Variants in ERC2 observed in about 807,000 individuals in gnomAD.
The protein encoded by ERC2 is ELKS/RAB6-interacting/CAST family member 2.
Under a neutral mutation model 114.8 loss-of-function variants are expected in ERC2, and 42 were observed. The ratio of observed to expected loss-of-function variants is 0.37; its 90% CI spans 0.29 to 0.47. ERC2 has a LOEUF of 0.47. Among genes scored for constraint, ERC2 ranks in the 20% least tolerant of loss-of-function variants. The pLI is 0.99. For missense variants in ERC2, 939 were observed against 1,150.7 expected, an observed-to-expected ratio of 0.82 and a Z score of 2.66; for synonymous variants, 454 against 425.5, an observed-to-expected ratio of 1.07 and a Z score of -0.82.
intron 17 of ERC2, among the ~76,000 whole-genome samples, chr3:55,642,828 A>C (rs2060244258): frequency 6.6e-6 from 1 of 152,246 alleles, no homozygotes; most frequent in Non-Finnish European, 1.5e-5. Flanking sequence ...AAGACTAAGC[A>C]GTTCAGAAAT....
chr3:56,125,138 G>C (rs1349027677), intron 6 of ERC2, among the ~76,000 whole-genome samples: 1 of 152,040 alleles, frequency 6.6e-6, no homozygotes, highest in African/African-American at 2.4e-5. Context: ...CTTCAGCCTG[G>C]AGAAAGAATA....
chr3:55,716,343 TC>T (rs2064121118), intron 15 of ERC2, among the ~76,000 whole-genome samples: 1 of 152,146 alleles, frequency 6.6e-6, no homozygotes, highest in African/African-American at 2.4e-5. Context: ...AAATAACTTC[TC>T]CCTACAAAAC....
At chr3:55,835,551 A>G (rs2060835834) in intron 14 of ERC2, among the ~76,000 whole-genome samples, 1 of 152,212 alleles carries the variant, frequency 6.6e-6, no homozygotes, top group Non-Finnish European at 1.5e-5. Flanking sequence ...AAAATTCAAC[A>G]ATGCTTCATG....
chr3:56,417,295 A>G (rs1291167727), intron 2 of ERC2, among the ~76,000 whole-genome samples: 1 of 152,172 alleles, frequency 6.6e-6, no homozygotes, highest in African/African-American at 2.4e-5. Context: ...CCCTACAATG[A>G]TAGTGAATTT....
At chr3:56,022,550 T>C (rs940557753) in intron 7 of ERC2, among the ~76,000 whole-genome samples, 1 of 152,170 alleles carries the variant, frequency 6.6e-6, no homozygotes, top group Non-Finnish European at 1.5e-5. Context: ...AAATTCTGTA[T>C]CTTTTAAAAA....
chr3:55,889,364 A>C (rs1414823188), intron 13 of ERC2, among the ~76,000 whole-genome samples: 1 of 152,194 alleles, frequency 6.6e-6, no homozygotes, highest in African/African-American at 2.4e-5. Context: ...CCAGCCACAA[A>C]AGGTTCAAGT....
At chr3:55,561,079 C>G (rs2055984404) in intron 17 of ERC2, among the ~76,000 whole-genome samples, 1 of 151,758 alleles carries the variant, frequency 6.6e-6, no homozygotes, top group Non-Finnish European at 1.5e-5. Flanking sequence ...CATGGCTTCA[C>G]CAGTTCAGGC....
intron 13 of ERC2, among the ~76,000 whole-genome samples, chr3:55,910,285 C>T (rs1050459154): frequency 4.0e-4 from 61 of 151,728 alleles, no homozygotes; most frequent in Non-Finnish European, 4.0e-4. Context: ...CCAGCTACTC[C>T]GGAGGCTGAG....
In ERC2 at chr3:56,295,911, A is replaced by G. The variant is rs547065905; in HGVS notation, c.1074+108T>C. On this transcript the variant is annotated intron_variant, in intron 3 of 17. Transcript: ENST00000288221. ...AGGAAGGTCATAAAGCAGATGACAA[A>G]GGGAATTTTGTTAAGGATGTAGATA... 1.9e-5 allele frequency: 23 copies of G among 1,241,350 alleles called. No homozygotes were observed. In the Middle Eastern group the frequency reaches 8.0e-4, roughly 43 times the overall value. 76.9% of individuals were successfully genotyped at this position (1,241,350 alleles called of 1,614,324 possible). A position where few individuals can be genotyped will look rare whatever the true frequency, so the allele number is the denominator to read the frequency against.
At chr3:55,959,106 T>C (rs192042734) in intron 12 of ERC2, among the ~76,000 whole-genome samples, 23 of 152,272 alleles carry the variant, frequency 1.5e-4, no homozygotes, top group Middle Eastern at 3.4e-3. Flanking sequence ...CCCAACCCTC[T>C]TCTAGAGCAC....
At chr3:55,936,318 T>C (rs1380822475) in intron 13 of ERC2, among the ~76,000 whole-genome samples, 2 of 151,880 alleles carry the variant, frequency 1.3e-5, no homozygotes, top group African/African-American at 2.4e-5. Flanking sequence ...TCAAAAAGTA[T>C]TTATTGAATG....
intron 14 of ERC2, among the ~76,000 whole-genome samples, chr3:55,870,526 C>G (rs1490505514): frequency 6.6e-6 from 1 of 152,138 alleles, no homozygotes; most frequent in African/African-American, 2.4e-5. Flanking sequence ...AGAAGAATCC[C>G]ACAGGGGAGG....
intron 17 of ERC2, among the ~76,000 whole-genome samples, chr3:55,535,336 T>G (rs2053931537): frequency 6.6e-6 from 1 of 152,176 alleles, no homozygotes; most frequent in Non-Finnish European, 1.5e-5. Flanking sequence ...ACTGCATGAC[T>G]GCCTTCCAAA....
intron 2 of ERC2, among the ~76,000 whole-genome samples, chr3:56,338,761 T>C (rs1349615): frequency 0.61 from 92,405 of 152,084 alleles, 28,548 homozygotes; most frequent in South Asian, 0.71. Context: ...CCAAAGTCCT[T>C]CCTTAAAATC....
intron 3 of ERC2, among the ~76,000 whole-genome samples, chr3:56,204,476 C>CTTTTATTTTATTGTATTTTATTTTA (rs1553876361): frequency 3.0e-5 from 4 of 132,860 alleles, no homozygotes; most frequent in African/African-American, 1.1e-4. Flanking sequence ...TAATTAGATG[C>CTTTTATTTTATTGTATTTTATTTTA]TTTTATTTTA....
intron 7 of ERC2, among the ~76,000 whole-genome samples, chr3:56,053,448 T>A (rs1375008035): frequency 3.9e-5 from 6 of 152,172 alleles, no homozygotes; most frequent in Non-Finnish European, 5.9e-5. Context: ...AAGGACAGGA[T>A]GACCTCAGGT....
chr3:55,580,433 G>A (rs1161311832), intron 17 of ERC2, among the ~76,000 whole-genome samples: 2 of 152,306 alleles, frequency 1.3e-5, no homozygotes, highest in East Asian at 1.9e-4. Flanking sequence ...GGGACCAAGA[G>A]AGACCAAATG....
chr3:55,734,701 G>C (rs1005423000), intron 15 of ERC2, 70 bp downstream of exon 15: 3 of 1,536,912 alleles, frequency 2.0e-6, no homozygotes, highest in Middle Eastern at 1.8e-4. Context: ...ATGAAGAGTG[G>C]CTAAAATCCA....
At chr3:56,453,544 T>C (rs2062919700) in intron 1 of ERC2, among the ~76,000 whole-genome samples, 1 of 152,214 alleles carries the variant, frequency 6.6e-6, no homozygotes, top group Non-Finnish European at 1.5e-5. Flanking sequence ...TCTCACTGAT[T>C]TATCTCTCAT....
Sources: allele counts gnomAD v4.1 joint callset (sites outside exome capture counted in the v4.1 genomes callset), GRCh38; gene constraint gnomAD v4.1.1; transcripts MANE v1.5; gene names NCBI Gene and HGNC (gene_info 2026-07-23, HGNC 2026-07-21).